Variants in LINGO2 observed in about 807,000 individuals in gnomAD.
LINGO2 encodes leucine rich repeat and Ig domain containing 2, also known as leucine-rich repeat and immunoglobulin-like domain-containing nogo receptor-interacting protein 2.
LINGO2 carries 14 observed loss-of-function variants against 30.6 expected under a neutral mutation model. The ratio of observed to expected loss-of-function variants is 0.46; its 90% CI spans 0.30 to 0.72. The LOEUF is 0.72. Among genes scored for constraint, LINGO2 ranks in the 30% least tolerant of loss-of-function variants. The probability of loss-of-function intolerance (pLI) is 0.07; values close to 1 mark genes in which losing one functional copy is unlikely to be tolerated. For missense variants in LINGO2, 729 were observed against 751.7 expected (o/e 0.97, Z 0.35); for synonymous variants, 317 against 288.5 (o/e 1.10, Z -1.00).
exon 6 of LINGO2, chr9:27,949,701 C>T (rs1446636692): frequency 5.6e-6 from 9 of 1,613,980 alleles, no homozygotes; most frequent in African/African-American, 1.3e-5. Flanking sequence ...ATTGAGCACG[C>T]GTAGGAAGCG....
At chr9:29,151,589 A>T in the LINGO2 span, among the ~76,000 whole-genome samples, 2 of 151,702 alleles carry the variant, frequency 1.3e-5, no homozygotes, top group Admixed American at 6.6e-5. Flanking sequence ...GCAAATAAAA[A>T]AGAGCAGGAG....
At chr9:28,892,867 T>G in the LINGO2 span, among the ~76,000 whole-genome samples, 5 of 152,068 alleles carry the variant, frequency 3.3e-5, no homozygotes, top group African/African-American at 1.2e-4. Context: ...CTTAAATTAT[T>G]TTTTTAGAAA....
chr9:28,528,001 A>G (rs1821095773), intron 1 of LINGO2, among the ~76,000 whole-genome samples: 1 of 152,198 alleles, frequency 6.6e-6, no homozygotes, highest in African/African-American at 2.4e-5. Context: ...TTATCAGTAA[A>G]TAATGTCAAA....
chr9:28,433,921 CTT>C (rs1491447576), intron 2 of LINGO2, among the ~76,000 whole-genome samples: 1,191 of 59,862 alleles, frequency 0.02, 40 homozygotes, highest in African/African-American at 0.058. Context: ...TGTGCTCTCT[CTT>C]TCTCTCTCTC....
chr9:29,105,121 C>T, the LINGO2 span, among the ~76,000 whole-genome samples: 3 of 152,186 alleles, frequency 2.0e-5, no homozygotes, highest in African/African-American at 7.2e-5. Flanking sequence ...GGACCTAATT[C>T]ATCAAATCTT....
At chr9:29,125,607 A>G in the LINGO2 span, among the ~76,000 whole-genome samples, 1 of 152,144 alleles carries the variant, frequency 6.6e-6, no homozygotes, top group Admixed American at 6.6e-5. Flanking sequence ...AGGTGAAATG[A>G]TGTACAGCTA....
At chr9:28,499,796 T>G (rs997086454) in intron 1 of LINGO2, among the ~76,000 whole-genome samples, 1 of 152,280 alleles carries the variant, frequency 6.6e-6, no homozygotes, top group African/African-American at 2.4e-5. Context: ...TTTGCAGAAC[T>G]TCTCTCTCCT....
intron 4 of LINGO2, among the ~76,000 whole-genome samples, chr9:28,233,891 A>G (rs969991942): frequency 6.6e-6 from 1 of 152,146 alleles, no homozygotes; most frequent in Non-Finnish European, 1.5e-5. Context: ...AGAATTCACC[A>G]CCTGCTGACT....
At chr9:28,726,105 T>A in the LINGO2 span, among the ~76,000 whole-genome samples, 1 of 152,284 alleles carries the variant, frequency 6.6e-6, no homozygotes, top group African/African-American at 2.4e-5. Context: ...CAATAAGCAA[T>A]CATTTTGAGC....
intron 4 of LINGO2, among the ~76,000 whole-genome samples, chr9:28,085,567 G>A (rs1825885180): frequency 6.6e-6 from 1 of 152,016 alleles, no homozygotes; most frequent in African/African-American, 2.4e-5. Context: ...AAGCAAAGTG[G>A]ACCAAATGGA....
chr9:28,742,268 C>CTTT, the LINGO2 span, among the ~76,000 whole-genome samples: 1 of 20,156 alleles, frequency 5.0e-5, no homozygotes, highest in Non-Finnish European at 1.7e-4. Flanking sequence ...CCTACTCTGC[C>CTTT]TTTTTTTTTT....
intron 2 of LINGO2, among the ~76,000 whole-genome samples, chr9:28,383,254 T>TTGTGTGTGTGTGTGTGTG (rs3065590): frequency 8.1e-5 from 6 of 73,708 alleles, no homozygotes; most frequent in Non-Finnish European, 1.2e-4. Flanking sequence ...TCACCATTCA[T>TTGTGTGTGTGTGTGTGTG]TGTGTGTGTG....
the LINGO2 span, among the ~76,000 whole-genome samples, chr9:28,676,410 T>C: frequency 6.6e-6 from 1 of 152,136 alleles, no homozygotes; most frequent in East Asian, 1.9e-4. Context: ...ACAGTACTAC[T>C]TGATTGACTC....
At chr9:28,438,619 A>T (rs1367447457) in intron 2 of LINGO2, among the ~76,000 whole-genome samples, 1 of 152,080 alleles carries the variant, frequency 6.6e-6, no homozygotes, top group Non-Finnish European at 1.5e-5. Context: ...TTCCTTTTGC[A>T]TATCTACATA....
At chr9:28,271,126 C>T (rs1290832331) in intron 4 of LINGO2, among the ~76,000 whole-genome samples, 1 of 151,504 alleles carries the variant, frequency 6.6e-6, no homozygotes, top group Non-Finnish European at 1.5e-5. Flanking sequence ...AGAGTTATTT[C>T]CCCCTTGCTC....
intron 4 of LINGO2, among the ~76,000 whole-genome samples, chr9:28,233,946 G>A (rs989311302): frequency 6.6e-6 from 1 of 152,208 alleles, no homozygotes; most frequent in Non-Finnish European, 1.5e-5. Flanking sequence ...TACCCAGGGT[G>A]TAAGCCATTG....
chr9:28,290,639 CA>C (rs1182000086), intron 4 of LINGO2, among the ~76,000 whole-genome samples: 1 of 152,078 alleles, frequency 6.6e-6, no homozygotes, highest in Non-Finnish European at 1.5e-5. Context: ...AGGAATGTAA[CA>C]ATGTGTGAGA....
chr9:27,970,366 C>T (rs2118744899), intron 5 of LINGO2, among the ~76,000 whole-genome samples: 1 of 152,250 alleles, frequency 6.6e-6, no homozygotes, highest in Middle Eastern at 3.4e-3. Context: ...GCTCTGAAAC[C>T]AACTGAGAAC....
the LINGO2 span, among the ~76,000 whole-genome samples, chr9:28,819,047 C>A: frequency 1.3e-5 from 2 of 152,028 alleles, no homozygotes; most frequent in South Asian, 2.1e-4. Flanking sequence ...GATGATAGAT[C>A]CATCTTTAGA....
Sources: allele counts gnomAD v4.1 joint callset (sites outside exome capture counted in the v4.1 genomes callset), GRCh38; gene constraint gnomAD v4.1.1; transcripts MANE v1.5; gene names NCBI Gene and HGNC (gene_info 2026-07-23, HGNC 2026-07-21).